The following ARHGAP6 variants were observed in gnomAD, a reference collection of about 807,000 sequenced individuals.
ARHGAP6 encodes the protein rho GTPase-activating protein 6.
ARHGAP6 carries 16 observed loss-of-function variants against 55.7 expected under a neutral mutation model. The observed-to-expected ratio is 0.29, with a 90% CI of 0.19 to 0.44. The LOEUF is 0.44. ARHGAP6 is among the 20% of genes least tolerant of loss of function. ARHGAP6 has a pLI of 1.00. For missense variants in ARHGAP6, 698 were observed against 808.9 expected (o/e 0.86, Z 1.66); for synonymous variants, 382 against 360.9 (o/e 1.06, Z -0.66).
intron 1 of ARHGAP6, among the ~76,000 whole-genome samples, chrX:11,506,829 T>C (rs1445064377): frequency 8.9e-6 from 1 of 112,010 alleles, no homozygotes; most frequent in Non-Finnish European, 1.9e-5. Context: ...TCTTCCACAA[T>C]GGTTGAACTA....
intron 1 of ARHGAP6, among the ~76,000 whole-genome samples, chrX:11,659,573 G>A (rs191989027): frequency 4.5e-5 from 5 of 111,819 alleles, no homozygotes; most frequent in Non-Finnish European, 9.4e-5. Flanking sequence ...ATAGCAAAGG[G>A]AACTTAAGGT....
intron 1 of ARHGAP6, among the ~76,000 whole-genome samples, chrX:11,649,189 G>T (rs766175829): frequency 8.9e-6 from 1 of 111,839 alleles, no homozygotes; most frequent in African/African-American, 3.2e-5. Flanking sequence ...AAACTAGTCA[G>T]TTGGAGAGAG....
In ARHGAP6 at chrX:11,320,766, T is replaced by TACACACACACAC. The variant is rs56815077; in HGVS notation, c.589-66071_589-66060dup. On this transcript the variant is annotated intron_variant, in intron 1 of 12. Coordinates refer to ENST00000337414, the MANE Select transcript of ARHGAP6 (RefSeq NM_013427.3). Reference sequence around the variant, plus strand: ...GCTCAATTCAAAGAAAATATCTCTTTACACACACACACACACACACACACA... The same window carrying TACACACACACAC: ...GCTCAATTCAAAGAAAATATCTCTTTACACACACACACACACACACACACACACACACACACA... 4.7e-5 allele frequency among the ~76,000 whole-genome samples: 4 copies of TACACACACACAC among 85,668 alleles called. No homozygotes were observed. In the East Asian group the frequency reaches 1.2e-3, roughly 26 times the overall value. 74.4% of individuals were successfully genotyped at this position (85,668 alleles called of 115,157 possible).
At chrX:11,555,227 G>A (rs2051308734) in intron 1 of ARHGAP6, among the ~76,000 whole-genome samples, 1 of 112,255 alleles carries the variant, frequency 8.9e-6, no homozygotes, top group African/African-American at 3.2e-5. Context: ...AGGTTCTAGG[G>A]AAATGCCTAT....
At chrX:11,250,507 C>T (rs1467478418) in intron 2 of ARHGAP6, among the ~76,000 whole-genome samples, 3 of 111,309 alleles carry the variant, frequency 2.7e-5, no homozygotes, top group Non-Finnish European at 3.8e-5. Context: ...TCTCGCTGGG[C>T]TAAAATTGAG....
intron 1 of ARHGAP6, among the ~76,000 whole-genome samples, chrX:11,392,571 C>T (rs992693532): frequency 9.0e-6 from 1 of 111,463 alleles, no homozygotes; most frequent in Non-Finnish European, 1.9e-5. Flanking sequence ...CACTGGCTAG[C>T]ATTTTGGAGG....
intron 1 of ARHGAP6, among the ~76,000 whole-genome samples, chrX:11,475,165 T>C (rs1603225230): frequency 8.9e-6 from 1 of 111,822 alleles, no homozygotes; most frequent in Admixed American, 9.5e-5. Flanking sequence ...TATTCCATAA[T>C]AGCGCTATAT....
intron 1 of ARHGAP6, among the ~76,000 whole-genome samples, chrX:11,398,205 T>C (rs1452407896): frequency 9.6e-6 from 1 of 104,654 alleles, no homozygotes; most frequent in African/African-American, 3.5e-5. Context: ...ATTAAAGAAG[T>C]ATTTGTAAAA....
chrX:11,404,582 C>T (rs1480579401), intron 1 of ARHGAP6, among the ~76,000 whole-genome samples: 1 of 111,997 alleles, frequency 8.9e-6, no homozygotes, highest in African/African-American at 3.2e-5. Context: ...TTTTACCCTC[C>T]AAAACCTCAT....
At chrX:11,149,076 G>C (rs1156712872) in intron 10 of ARHGAP6, among the ~76,000 whole-genome samples, 9 of 112,100 alleles carry the variant, frequency 8.0e-5, no homozygotes. Context: ...TCCACTGGAT[G>C]ATGAAGCTAA....
At chrX:11,414,498 C>G (rs766110568) in intron 1 of ARHGAP6, among the ~76,000 whole-genome samples, 3 of 108,667 alleles carry the variant, frequency 2.8e-5, no homozygotes, top group African/African-American at 1.0e-4. Flanking sequence ...AAGAACTGAG[C>G]TACCGTAATA....
intron 1 of ARHGAP6, among the ~76,000 whole-genome samples, chrX:11,486,715 G>C (rs1223165830): frequency 9.0e-6 from 1 of 111,476 alleles, no homozygotes; most frequent in Non-Finnish European, 1.9e-5. Flanking sequence ...TCTGTTGCTG[G>C]GGATCAAGCC....
chrX:11,210,441 C>A (rs1300589139), intron 2 of ARHGAP6, among the ~76,000 whole-genome samples: 2 of 112,303 alleles, frequency 1.8e-5, no homozygotes, highest in East Asian at 5.5e-4. Flanking sequence ...TAAATTAAAG[C>A]AATTCTTTTG....
intron 1 of ARHGAP6, among the ~76,000 whole-genome samples, chrX:11,515,003 T>C (rs1603238302): frequency 9.0e-6 from 1 of 111,405 alleles, no homozygotes; most frequent in African/African-American, 3.3e-5. Context: ...GGATGAAAAA[T>C]GGGTTCCATC....
chrX:11,342,817 C>G (rs185528129), intron 1 of ARHGAP6, among the ~76,000 whole-genome samples: 81 of 112,535 alleles, frequency 7.2e-4, no homozygotes, highest in Middle Eastern at 9.2e-3. Flanking sequence ...GTGTACACTT[C>G]TTTCTACTGG....
At chrX:11,311,115 C>T (rs62590043) in intron 1 of ARHGAP6, among the ~76,000 whole-genome samples, 25,875 of 109,913 alleles carry the variant, frequency 0.24, 2,332 homozygotes, top group Middle Eastern at 0.34. Flanking sequence ...GGTATTGCCT[C>T]CAGGGGCCAT....
chrX:11,284,335 C>T (rs969723437), intron 1 of ARHGAP6, among the ~76,000 whole-genome samples: 2 of 112,076 alleles, frequency 1.8e-5, no homozygotes, highest in African/African-American at 3.2e-5. Context: ...CCAGCCACCA[C>T]ATTTTGAGAG....
intron 1 of ARHGAP6, among the ~76,000 whole-genome samples, chrX:11,557,450 T>G (rs5935105): frequency 0.38 from 41,457 of 108,058 alleles, 6,496 homozygotes; most frequent in African/African-American, 0.56. Flanking sequence ...ATTTGTTTCT[T>G]TTTTTTTGTT....
At chrX:11,182,634 TC>T (rs2046329907) in intron 5 of ARHGAP6, among the ~76,000 whole-genome samples, 8 of 104,867 alleles carry the variant, frequency 7.6e-5, no homozygotes, top group Admixed American at 4.1e-4. Context: ...TTTCCTTTTT[TC>T]TTTTTTTTTT....
Sources: allele counts gnomAD v4.1 joint callset (sites outside exome capture counted in the v4.1 genomes callset), GRCh38; gene constraint gnomAD v4.1.1; transcripts MANE v1.5; gene names NCBI Gene and HGNC (gene_info 2026-07-23, HGNC 2026-07-21).